The following KSR2 variants were observed in gnomAD, a reference collection of about 807,000 sequenced individuals.
KSR2 encodes the protein kinase suppressor of ras 2.
KSR2 carries 25 observed loss-of-function variants against 107.8 expected under a neutral mutation model. The ratio of observed to expected loss-of-function variants is 0.23; its 90% confidence interval spans 0.17 to 0.32. The LOEUF (loss-of-function observed/expected upper bound fraction) is 0.32. KSR2 is among the 10% of genes least tolerant of loss of function. KSR2 has a pLI of 1.00. For synonymous variants in KSR2, 480 were observed against 507.0 expected (o/e 0.95, Z 0.71); for missense variants, 887 against 1,268.9 (o/e 0.70, Z 4.57).
intron 5 of KSR2, among the ~76,000 whole-genome samples, chr12:117,606,665 TC>T (rs1881295238): frequency 8.7e-6 from 1 of 114,608 alleles, no homozygotes; most frequent in African/African-American, 3.5e-5. Flanking sequence ...CCCTCCTCCT[TC>T]CCTTCCTCCC....
chr12:117,668,684 G>A (rs1884772900), intron 4 of KSR2, among the ~76,000 whole-genome samples: 1 of 152,138 alleles, frequency 6.6e-6, no homozygotes, highest in Non-Finnish European at 1.5e-5. Flanking sequence ...ATTGTGGAGA[G>A]GATTTAAAAA....
chr12:117,772,196 C>G (rs1303311110), intron 3 of KSR2, among the ~76,000 whole-genome samples: 1 of 138,960 alleles, frequency 7.2e-6, no homozygotes, highest in Non-Finnish European at 1.5e-5. Context: ...CCCAAAGACG[C>G]ACAAACACAC....
chr12:117,850,149 C>T (rs552550837), intron 3 of KSR2, among the ~76,000 whole-genome samples: 99 of 152,316 alleles, frequency 6.5e-4, no homozygotes, highest in African/African-American at 2.3e-3. Flanking sequence ...TTGAGGATGG[C>T]TCACTGGTTC....
intron 4 of KSR2, among the ~76,000 whole-genome samples, chr12:117,704,959 G>A (rs1448624970): frequency 6.6e-6 from 1 of 152,088 alleles, no homozygotes; most frequent in Non-Finnish European, 1.5e-5. Flanking sequence ...AGGTGGGAAG[G>A]ACTCATTTGT....
intron 1 of KSR2, among the ~76,000 whole-genome samples, chr12:117,913,361 C>G (rs1895080205): frequency 1.3e-5 from 2 of 152,140 alleles, no homozygotes; most frequent in Admixed American, 1.3e-4. Context: ...TGTCCTCTAC[C>G]TTTCCACATA....
chr12:117,483,008 A>T (rs1369433803), intron 16 of KSR2, among the ~76,000 whole-genome samples: 1 of 152,266 alleles, frequency 6.6e-6, no homozygotes, highest in Non-Finnish European at 1.5e-5. Flanking sequence ...CCAGTGAACC[A>T]GGAACTTAAC....
At chr12:117,622,633 A>T (rs11068580) in intron 5 of KSR2, among the ~76,000 whole-genome samples, 53,456 of 151,936 alleles carry the variant, frequency 0.35, 11,459 homozygotes, top group South Asian at 0.48. Flanking sequence ...CTCCACACAA[A>T]ATCTTGTGGA....
At chr12:117,726,735 G>C (rs1267848873) in intron 4 of KSR2, among the ~76,000 whole-genome samples, 1 of 152,172 alleles carries the variant, frequency 6.6e-6, no homozygotes, top group East Asian at 1.9e-4. Context: ...TTGGAAAACA[G>C]TTTGGCAGTT....
intron 3 of KSR2, among the ~76,000 whole-genome samples, chr12:117,781,029 G>A (rs563703351): frequency 2.4e-4 from 36 of 152,290 alleles, no homozygotes; most frequent in South Asian, 4.1e-4. Flanking sequence ...CGTATTGTGG[G>A]AGAGACCCAG....
At chr12:117,695,659 T>C (rs1169996389) in intron 4 of KSR2, among the ~76,000 whole-genome samples, 1 of 150,404 alleles carries the variant, frequency 6.6e-6, no homozygotes, top group African/African-American at 2.5e-5. Flanking sequence ...TGCAGTGAAC[T>C]GTGATCACAC....
intron 17 of KSR2, among the ~76,000 whole-genome samples, chr12:117,475,598 T>C (rs1370543829): frequency 1.3e-5 from 2 of 152,204 alleles, no homozygotes; most frequent in Non-Finnish European, 2.9e-5. Flanking sequence ...ATTCTCAGAA[T>C]AGCATTTATC....
chr12:117,769,718 G>C (rs1327803692), intron 3 of KSR2, among the ~76,000 whole-genome samples: 1 of 152,308 alleles, frequency 6.6e-6, no homozygotes, highest in East Asian at 1.9e-4. Context: ...AATGCATACA[G>C]TGCTTTTCAT....
At chr12:117,836,311 T>C (rs571219955) in intron 3 of KSR2, among the ~76,000 whole-genome samples, 1 of 152,144 alleles carries the variant, frequency 6.6e-6, no homozygotes, top group South Asian at 2.1e-4. Context: ...TCCTGTGGAA[T>C]CTACCTTCCA....
At chr12:117,643,941 A>C (rs1224626168) in intron 5 of KSR2, among the ~76,000 whole-genome samples, 2 of 152,192 alleles carry the variant, frequency 1.3e-5, no homozygotes, top group Non-Finnish European at 2.9e-5. Context: ...GAATGAATGA[A>C]TGATCCTTGG....
intron 5 of KSR2, among the ~76,000 whole-genome samples, chr12:117,597,135 A>G (rs1880695894): frequency 6.6e-6 from 1 of 152,156 alleles, no homozygotes; most frequent in Admixed American, 6.5e-5. Context: ...AGACAGCTGA[A>G]TTCTTGGGCC....
At chr12:117,676,506 TGAGAAAAAGGAAGACAAAG>T (rs1400105735) in intron 4 of KSR2, among the ~76,000 whole-genome samples, 4 of 150,566 alleles carry the variant, frequency 2.7e-5, no homozygotes, top group African/African-American at 4.9e-5. Flanking sequence ...GAAAGAAGGA[TGAGAAAAAGGAAGACAAAG>T]GAGAAAAAGG....
chr12:117,538,391 G>A (rs975927004), intron 10 of KSR2, among the ~76,000 whole-genome samples: 1 of 152,136 alleles, frequency 6.6e-6, no homozygotes, highest in Admixed American at 6.5e-5. Flanking sequence ...TCAAAACAGT[G>A]TGGGCAGGTG....
rs570114120 is a variant in KSR2 at position 117,465,970 on chromosome 12, T to A, written c.*1229A>T. 1 of 151,850 alleles carries A rather than the reference T, an allele frequency of 6.6e-6. No homozygotes were observed. Among genetic ancestry groups the A allele is most frequent in the Admixed American group, 6.6e-5 (1 of 15,234 alleles). 9.4% of individuals were successfully genotyped at this position (151,850 alleles called of 1,614,324 possible). On this transcript the variant is annotated 3_prime_UTR_variant, in exon 20 of 20. Transcript: ENST00000339824. Reference sequence around the variant, plus strand: ...GGTCAGGAAGAGTCGCCGGCCCAGGTTGGGATCAAGAGGAGGGAGGGAAGG... The same window carrying A: ...GGTCAGGAAGAGTCGCCGGCCCAGGATGGGATCAAGAGGAGGGAGGGAAGG...
At position 117,539,790 on chromosome 12, in the gene KSR2, C is replaced by T; in HGVS notation, c.1616G>A (p.Ser539Asn). The T allele has an allele frequency of 6.2e-7, 1 of 1,607,476 alleles. No individual in the cohort carries two copies. The highest frequency in any genetic ancestry group is 8.5e-7 in the Non-Finnish European group (1 of 1,177,902). ...GTGTAGGGGAGAAGGCGGCGTGGCA[C>T]TAGGAGGGAGGGGGGGTGCTGGCGA... ...PSSPAPPLPP[S>N]ATPPSPLHPS... Residue 539 changes from serine (S) to asparagine (N), a missense_variant, in exon 10 of 20, where the codon AGT (serine) becomes AAT (asparagine). Transcript: ENST00000339824.
Sources: allele counts gnomAD v4.1 joint callset (sites outside exome capture counted in the v4.1 genomes callset), GRCh38; gene constraint gnomAD v4.1.1; transcripts MANE v1.5; gene names NCBI Gene and HGNC (gene_info 2026-07-23, HGNC 2026-07-21).